The following EYA2 variants were observed in gnomAD, a reference collection of about 807,000 sequenced individuals.
EYA2 encodes EYA transcriptional coactivator and phosphatase 2, also known as protein phosphatase EYA2.
A neutral mutation model predicts 69.2 loss-of-function variants in EYA2; 31 were observed. The ratio of observed to expected loss-of-function variants is 0.45; its 90% CI spans 0.34 to 0.60. The LOEUF (loss-of-function observed/expected upper bound fraction) is 0.60. Ranked by LOEUF, EYA2 falls within the 20% of genes least tolerant of loss-of-function variation. The pLI is 0.02. For synonymous variants in EYA2, 257 were observed against 279.4 expected, an observed-to-expected ratio of 0.92 and a Z score of 0.80; for missense variants, 622 against 701.2, an observed-to-expected ratio of 0.89 and a Z score of 1.28.
intron 14 of EYA2, among the ~76,000 whole-genome samples, chr20:47,182,400 G>A (rs2034554606): frequency 6.7e-6 from 1 of 149,162 alleles, no homozygotes. Context: ...GGACGAGGCA[G>A]GTGGACTGCC....
At chr20:47,135,044 G>A (rs1054322243) in intron 9 of EYA2, among the ~76,000 whole-genome samples, 2 of 148,726 alleles carry the variant, frequency 1.3e-5, no homozygotes, top group African/African-American at 2.5e-5. Context: ...CAAGAATGGC[G>A]TGAACCCAGG....
intron 15 of EYA2, among the ~76,000 whole-genome samples, chr20:47,186,345 ATTCTTTT>A (rs2034640880): frequency 1.3e-5 from 1 of 77,428 alleles, no homozygotes; most frequent in African/African-American, 4.3e-5. Flanking sequence ...TGAAGCACTT[ATTCTTTT>A]TTTTTTTTTT....
intron 10 of EYA2, among the ~76,000 whole-genome samples, chr20:47,143,446 G>GTAGTT (rs1369690545): frequency 3.3e-5 from 5 of 152,250 alleles, no homozygotes; most frequent in Non-Finnish European, 7.3e-5. Flanking sequence ...TAATGGCTAT[G>GTAGTT]TAGTTTCTTC....
chr20:47,134,999 C>T (rs2033427453), intron 9 of EYA2, among the ~76,000 whole-genome samples: 1 of 151,930 alleles, frequency 6.6e-6, no homozygotes, highest in Non-Finnish European at 1.5e-5. Context: ...TGGTGGCGGG[C>T]ACCTGTAGTC....
In EYA2 at chr20:47,016,163, C is replaced by A. The variant is rs1390713184; in HGVS notation, c.299-18C>A. 1.3e-6 allele frequency: 2 copies of A among 1,572,110 alleles called. No individual in the cohort carries two copies. Among genetic ancestry groups the A allele is most frequent in the Admixed American group, 1.7e-5 (1 of 58,536 alleles). Reference sequence around the variant, plus strand: ...TCATGTGTCCTTGGTCCTTTTTTTTCCCCCTCTTCCTTCAAAGGCATCAAG... The same window carrying A: ...TCATGTGTCCTTGGTCCTTTTTTTTACCCCTCTTCCTTCAAAGGCATCAAG... On this transcript the variant is annotated intron_variant, in intron 4 of 15. Transcript: ENST00000327619.
In EYA2 at chr20:47,159,558, CAGT is replaced by C. The variant is rs560549096; in HGVS notation, c.979-9577_979-9575del. ...CTTAAAAATCTGAATAAGTAATTGA[CAGT>C]AGTTAACACAGCACTATCTGCTTAT... On this transcript the variant is annotated intron_variant, in intron 10 of 15. Transcript: ENST00000327619. Among the ~76,000 whole-genome samples, 244 of 152,120 alleles carry C rather than the reference CAGT, an allele frequency of 1.6e-3. 1 individual carries two copies. Among genetic ancestry groups the C allele is most frequent in the African/African-American group, 5.6e-3 (231 of 41,552 alleles).
At chr20:47,146,949 G>A (rs1370164295) in intron 10 of EYA2, among the ~76,000 whole-genome samples, 4 of 152,138 alleles carry the variant, frequency 2.6e-5, no homozygotes, top group Admixed American at 1.3e-4. Context: ...TATAATGTCA[G>A]AGCAAAGTGC....
intron 9 of EYA2, 47 bp downstream of exon 9, chr20:47,097,215 T>G: frequency 7.0e-7 from 1 of 1,434,344 alleles, no homozygotes; most frequent in Non-Finnish European, 9.7e-7. Context: ...TTTTCAACGT[T>G]ATTGTCCAGC....
intron 1 of EYA2, among the ~76,000 whole-genome samples, chr20:46,957,934 T>C (rs2146283993): frequency 6.6e-6 from 1 of 152,278 alleles, no homozygotes; most frequent in Admixed American, 6.5e-5. Flanking sequence ...CATTCCCTGC[T>C]CTCCCTACCA....
Position 47,093,760 on chromosome 20 carries a change from C to G in EYA2, c.805-3325C>G, listed in dbSNP as rs528660297. On this transcript the variant is annotated intron_variant, in intron 8 of 15. Transcript: ENST00000327619. Reference sequence around the variant, plus strand: ...GCAGGGCAATTATATCTTCTAAAGACAGTAGTGACTGCAAGCCAAGTATGA... The same window carrying G: ...GCAGGGCAATTATATCTTCTAAAGAGAGTAGTGACTGCAAGCCAAGTATGA... 2.2e-4 allele frequency among the ~76,000 whole-genome samples: 33 copies of G among 152,350 alleles called. No individual in the cohort carries two copies. In the South Asian group the frequency reaches 6.8e-3, roughly 32 times the overall value.
chr20:47,055,911 G>A (rs1316949612), intron 5 of EYA2, among the ~76,000 whole-genome samples: 7 of 152,000 alleles, frequency 4.6e-5, no homozygotes, highest in Non-Finnish European at 1.0e-4. Flanking sequence ...CATGTGGACC[G>A]ACATGTGACA....
chr20:47,161,280 C>T (rs1472008653), intron 10 of EYA2: 6 of 535,578 alleles, frequency 1.1e-5, no homozygotes, highest in African/African-American at 3.8e-5. Context: ...CCGCGGATGG[C>T]GTGGCCACCT....
Position 46,917,413 on chromosome 20 carries a change from G to A in EYA2, c.-11+22426G>A, listed in dbSNP as rs141039224. Among the ~76,000 whole-genome samples, 53 of 152,332 alleles carry A rather than the reference G, an allele frequency of 3.5e-4. No homozygotes were observed. In the East Asian group the frequency reaches 9.8e-3, roughly 28 times the overall value. On this transcript the variant is annotated intron_variant, in intron 1 of 15. Transcript: ENST00000327619. ...TTTGGCAACTAGGATATGGCAAAACGAAGATTTGAACGCATGACTCTCAGG... is the reference window on the plus strand; with the variant it reads ...TTTGGCAACTAGGATATGGCAAAACAAAGATTTGAACGCATGACTCTCAGG...
rs565874487 is a variant in EYA2 at position 46,917,380 on chromosome 20, G to C, written c.-11+22393G>C. 7.4e-4 allele frequency among the ~76,000 whole-genome samples: 113 copies of C among 152,318 alleles called. 2 individuals carry two copies. The highest frequency in any genetic ancestry group is 3.4e-3 in the Middle Eastern group (1 of 294). ...AGGAAACTGAGGGTCAGAGTGACTT[G>C]CTTAAGATTTGGCAACTAGGATATG... On this transcript the variant is annotated intron_variant, in intron 1 of 15. Transcript: ENST00000327619.
intron 5 of EYA2, among the ~76,000 whole-genome samples, chr20:47,032,531 T>C (rs1178430793): frequency 6.6e-6 from 1 of 152,244 alleles, no homozygotes; most frequent in African/African-American, 2.4e-5. Context: ...AAGTAATATC[T>C]TGGTGTGCAT....
chr20:46,952,133 G>A (rs1008846765), intron 1 of EYA2, among the ~76,000 whole-genome samples: 5 of 152,198 alleles, frequency 3.3e-5, no homozygotes, highest in African/African-American at 9.6e-5. Flanking sequence ...GAACTCCGCC[G>A]AGCAATGGGG....
intron 1 of EYA2, among the ~76,000 whole-genome samples, chr20:46,895,327 G>T (rs1291772658): frequency 2.6e-5 from 4 of 152,000 alleles, no homozygotes; most frequent in Non-Finnish European, 5.9e-5. Context: ...GGTCCTTGGC[G>T]TTTTGTTCGA....
chr20:47,089,991 G>T (rs1293344954), intron 8 of EYA2, among the ~76,000 whole-genome samples: 1 of 152,116 alleles, frequency 6.6e-6, no homozygotes, highest in Non-Finnish European at 1.5e-5. Flanking sequence ...TGGCTCTAAT[G>T]AGTGTGCCTC....
intron 10 of EYA2, among the ~76,000 whole-genome samples, chr20:47,144,844 G>C (rs901514276): frequency 6.6e-6 from 1 of 152,212 alleles, no homozygotes; most frequent in Non-Finnish European, 1.5e-5. Context: ...CTCGCTTCAC[G>C]ATGACGTCTA....
Sources: allele counts gnomAD v4.1 joint callset (sites outside exome capture counted in the v4.1 genomes callset), GRCh38; gene constraint gnomAD v4.1.1; transcripts MANE v1.5; gene names NCBI Gene and HGNC (gene_info 2026-07-23, HGNC 2026-07-21).